BAIAP2L1: variants seen among roughly 807,000 people sequenced by gnomAD.
BAIAP2L1 encodes BAR/IMD domain containing adaptor protein 2 like 1.
BAIAP2L1 carries 35 observed loss-of-function variants against 66.3 expected under a neutral mutation model. That is an observed-to-expected ratio of 0.53 (90% CI 0.40 to 0.70). The LOEUF is 0.70. BAIAP2L1 is among the 30% of genes least tolerant of loss of function. The pLI, the probability that BAIAP2L1 is intolerant of heterozygous loss-of-function variation, is 0.00. For synonymous variants in BAIAP2L1, 269 were observed against 248.7 expected, an observed-to-expected ratio of 1.08 and a Z score of -0.77; for missense variants, 622 against 656.9, an observed-to-expected ratio of 0.95 and a Z score of 0.58.
chr7:98,315,484 G>A lies in BAIAP2L1; in HGVS notation c.615C>T (p.Asn205=), dbSNP rs1801040696. 6.7e-7 allele frequency: 1 copy of A among 1,500,576 alleles called. No individual in the cohort carries two copies. Among genetic ancestry groups the A allele is most frequent in the Admixed American group, 2.2e-5 (1 of 46,086 alleles). The allele number at this position is 1,500,576 out of a possible 1,614,324, so 93.0% of individuals were successfully genotyped here. ...CCTGTAAGTGATAATAATGTATGTG[G>A]TTTGCAAAGCCACAGTGCTTATCAA... ...FLVDKHCGFA[N]HIHYYHLQSA... The change falls in exon 7 of 14, where the codon AAC becomes AAT. Residue 205 remains asparagine, a synonymous_variant. Coordinates refer to ENST00000005260, the MANE Select transcript of BAIAP2L1 (RefSeq NM_018842.5).
intron 2 of BAIAP2L1, among the ~76,000 whole-genome samples, chr7:98,356,994 CAAA>C (rs1171832329): frequency 1.7e-3 from 4 of 2,420 alleles, no homozygotes; most frequent in Admixed American, 0.012. Flanking sequence ...GCCCCTGTCT[CAAA>C]AAAAAAAAAA....
chr7:98,315,486 T>C lies in BAIAP2L1; in HGVS notation c.613A>G (p.Asn205Asp). The stretch of plus-strand genomic sequence containing the variant: ...TGTAAGTGATAATAATGTATGTGGT[T>C]TGCAAAGCCACAGTGCTTATCAACC... ...FLVDKHCGFANHIHYYHLQSA... is the reference protein window; with the variant it reads ...FLVDKHCGFADHIHYYHLQSA... The change falls in exon 7 of 14, where the codon AAC (asparagine) becomes GAC (aspartate). Residue 205 changes from asparagine (N) to aspartate (D), a missense_variant. Asn to Asp is a conservative substitution (Grantham distance 23). Coordinates refer to ENST00000005260, the MANE Select transcript of BAIAP2L1 (RefSeq NM_018842.5). 1 of 1,502,628 alleles carries C rather than the reference T, an allele frequency of 6.7e-7. No homozygotes were observed. The highest frequency in any genetic ancestry group is 1.3e-5 in the South Asian group (1 of 74,372). The allele number at this position is 1,502,628 out of a possible 1,614,324, so 93.1% of individuals were successfully genotyped here.
At chr7:98,310,277 G>T in intron 9 of BAIAP2L1, 168 bp downstream of exon 9, 1 of 637,954 alleles carries the variant, frequency 1.6e-6, no homozygotes, top group Non-Finnish European at 2.6e-6. Flanking sequence ...GTCTAGTCCT[G>T]TATTTCTTCT....
intron 1 of BAIAP2L1, among the ~76,000 whole-genome samples, chr7:98,365,546 C>T (rs1802373238): frequency 6.6e-6 from 1 of 152,222 alleles, no homozygotes; most frequent in South Asian, 2.1e-4. Flanking sequence ...TCCTGGCTCA[C>T]TACAACCTCG....
At chr7:98,348,218 A>G (rs186141791) in intron 3 of BAIAP2L1, among the ~76,000 whole-genome samples, 23 of 152,312 alleles carry the variant, frequency 1.5e-4, no homozygotes, top group African/African-American at 5.5e-4. Flanking sequence ...AATGAAATAG[A>G]AAACAAAGAC....
chr7:98,319,739 TG>T (rs2116902089), intron 5 of BAIAP2L1, among the ~76,000 whole-genome samples: 1 of 152,070 alleles, frequency 6.6e-6, no homozygotes. Flanking sequence ...TGAGTAGAGA[TG>T]GGGTTTCACT....
chr7:98,308,360 C>A, intron 9 of BAIAP2L1: 1 of 445,660 alleles, frequency 2.2e-6, no homozygotes, highest in Non-Finnish European at 4.5e-6. Context: ...CCATGCTGGC[C>A]GCTCAGCTTC....
chr7:98,356,270 A>G (rs556251682), intron 2 of BAIAP2L1, among the ~76,000 whole-genome samples: 3 of 152,204 alleles, frequency 2.0e-5, no homozygotes, highest in African/African-American at 7.2e-5. Flanking sequence ...GTTTGAGGGT[A>G]TTGAAGATGT....
intron 12 of BAIAP2L1, among the ~76,000 whole-genome samples, chr7:98,302,072 C>A (rs1299039638): frequency 6.6e-6 from 1 of 152,190 alleles, no homozygotes; most frequent in Non-Finnish European, 1.5e-5. Context: ...TGTCATGATC[C>A]AGCCAACGAA....
intron 11 of BAIAP2L1, among the ~76,000 whole-genome samples, chr7:98,305,047 GTTTTTTTTTTT>G (rs59633894): frequency 5.0e-5 from 5 of 100,380 alleles, no homozygotes; most frequent in African/African-American, 1.7e-4. Flanking sequence ...TTTGTTTTTT[GTTTTTTTTTTT>G]TTTTTTTTTT....
chr7:98,393,006 T>G (rs1803085082), intron 1 of BAIAP2L1, among the ~76,000 whole-genome samples: 2 of 149,318 alleles, frequency 1.3e-5, no homozygotes, highest in African/African-American at 2.5e-5. Flanking sequence ...TTGTAATTTT[T>G]GTGTATATAT....
chr7:98,337,168 A>G (rs963496321), intron 3 of BAIAP2L1, among the ~76,000 whole-genome samples: 1 of 152,152 alleles, frequency 6.6e-6, no homozygotes, highest in Non-Finnish European at 1.5e-5. Context: ...GAAGTGCTGG[A>G]AAGTGTGTGG....
In BAIAP2L1 at chr7:98,292,395, G is replaced by A. The variant is rs1800002875; in HGVS notation, c.*1126C>T. ...GTCTAATTTTTGTATTTTTAGTAGA[G>A]ACTCCTGACCTCAGGTGATCCCCCT... On this transcript the variant is annotated 3_prime_UTR_variant, in exon 14 of 14. Transcript: ENST00000005260. 8.1e-6 allele frequency: 4 copies of A among 494,038 alleles called. No homozygotes were observed. Among genetic ancestry groups the A allele is most frequent in the Admixed American group, 3.5e-5 (1 of 28,622 alleles). The allele number at this position is 494,038 out of a possible 1,614,324, so 30.6% of individuals were successfully genotyped here. A position where few individuals can be genotyped will look rare whatever the true frequency, so the allele number is the denominator to read the frequency against.
intron 3 of BAIAP2L1, among the ~76,000 whole-genome samples, chr7:98,354,587 A>G (rs1481776764): frequency 6.6e-6 from 1 of 152,142 alleles, no homozygotes; most frequent in African/African-American, 2.4e-5. Context: ...CAGGAGAGCG[A>G]TTCATACCAG....
intron 9 of BAIAP2L1, chr7:98,309,393 T>A (rs913702037): frequency 1.3e-5 from 2 of 152,116 alleles, no homozygotes; most frequent in African/African-American, 4.8e-5. Context: ...GACATCGAGA[T>A]CCACCTACCT....
chr7:98,379,056 CCTGACCTCGTGAT>C (rs940737724), intron 1 of BAIAP2L1, among the ~76,000 whole-genome samples: 8 of 152,108 alleles, frequency 5.3e-5, no homozygotes, highest in Non-Finnish European at 8.8e-5. Flanking sequence ...GTCTCAATCT[CCTGACCTCGTGAT>C]CTGACCTCGT....
At chr7:98,354,322 T>C (rs1802071489) in intron 3 of BAIAP2L1, among the ~76,000 whole-genome samples, 1 of 152,062 alleles carries the variant, frequency 6.6e-6, no homozygotes, top group South Asian at 2.1e-4. Context: ...CCTTCCTACT[T>C]CTTAACTGGA....
At chr7:98,400,701 G>A in intron 1 of BAIAP2L1, 101 bp downstream of exon 1, 1 of 1,336,840 alleles carries the variant, frequency 7.5e-7, no homozygotes, top group Non-Finnish European at 1.0e-6. Context: ...ACGCGGGGGA[G>A]GGGAGCTGGA....
chr7:98,337,235 ATT>A (rs60826557), intron 3 of BAIAP2L1, among the ~76,000 whole-genome samples: 9 of 138,760 alleles, frequency 6.5e-5, no homozygotes, highest in Admixed American at 2.9e-4. Context: ...TTCAGATACC[ATT>A]TTTTTTTTTT....
Sources: gnomAD v4.1 joint callset for allele counts (sites outside exome capture counted in the v4.1 genomes callset) on GRCh38, gnomAD v4.1.1 for gene constraint, MANE v1.5 for transcripts, NCBI Gene and HGNC (gene_info 2026-07-23, HGNC 2026-07-21) for gene names.